COG5: variants seen among roughly 807,000 people sequenced by gnomAD.
COG5 encodes component of oligomeric golgi complex 5.
COG5 carries 86 observed loss-of-function variants against 110.4 expected under a neutral mutation model. The observed-to-expected ratio is 0.78, with a 90% confidence interval of 0.65 to 0.93. The LOEUF is 0.93. Among genes scored for constraint, COG5 ranks in the 40% least tolerant of loss-of-function variants. COG5 has a pLI of 0.00. For synonymous variants in COG5, 360 were observed against 334.6 expected (o/e 1.08, Z -0.83); for missense variants, 1,077 against 987.0 (o/e 1.09, Z -1.22).
chr7:107,463,353 A>G (rs1404752729), intron 6 of COG5, among the ~76,000 whole-genome samples: 2 of 152,212 alleles, frequency 1.3e-5, no homozygotes, highest in African/African-American at 2.4e-5. Context: ...TGAGTTCTCC[A>G]GCAGTCATGG....
chr7:107,286,671 G>C (rs1805657038), intron 12 of COG5, among the ~76,000 whole-genome samples: 1 of 152,132 alleles, frequency 6.6e-6, no homozygotes. Context: ...TACCCTAAGA[G>C]AAAACCACTG....
intron 14 of COG5, among the ~76,000 whole-genome samples, chr7:107,269,150 C>T: frequency 6.6e-6 from 1 of 151,974 alleles, no homozygotes; most frequent in East Asian, 1.9e-4. Flanking sequence ...TATTTCTATT[C>T]TTTCAGTAGT....
intron 18 of COG5, among the ~76,000 whole-genome samples, chr7:107,232,758 A>G (rs1216966869): frequency 1.3e-5 from 2 of 152,226 alleles, no homozygotes; most frequent in Non-Finnish European, 2.9e-5. Context: ...CCATGTTTTA[A>G]AGGGCAAGAG....
chr7:107,207,850 G>A, intron 21 of COG5: 1 of 985,384 alleles, frequency 1.0e-6, no homozygotes, highest in Non-Finnish European at 1.2e-6. Flanking sequence ...AGGCAGGATG[G>A]TTCACTATTT....
intron 7 of COG5, among the ~76,000 whole-genome samples, chr7:107,411,809 G>C (rs1269865056): frequency 6.6e-6 from 1 of 152,006 alleles, no homozygotes; most frequent in Non-Finnish European, 1.5e-5. Context: ...TGATTTAGAG[G>C]ATATGAAAAA....
At chr7:107,537,021 T>C (rs921127269) in intron 5 of COG5, among the ~76,000 whole-genome samples, 3 of 152,276 alleles carry the variant, frequency 2.0e-5, no homozygotes, top group Admixed American at 2.0e-4. Context: ...AAACAAGCAA[T>C]GGGGAAAGGA....
intron 6 of COG5, among the ~76,000 whole-genome samples, chr7:107,435,897 G>T (rs1183717199): frequency 6.6e-6 from 1 of 152,174 alleles, no homozygotes; most frequent in African/African-American, 2.4e-5. Flanking sequence ...CAATTCAAAT[G>T]TACATTGATG....
intron 13 of COG5, among the ~76,000 whole-genome samples, chr7:107,283,099 A>G (rs1207282998): frequency 6.6e-6 from 1 of 152,192 alleles, no homozygotes; most frequent in Non-Finnish European, 1.5e-5. Context: ...TTCCCTTTTT[A>G]GTCTTAAAAG....
rs113581836 is a variant in COG5 at position 107,446,306 on chromosome 7, A to G, written c.539-33674T>C. Among the ~76,000 whole-genome samples the G allele has an allele frequency of 6.6e-5, 10 of 152,340 alleles. 3 individuals are homozygous for G. Among genetic ancestry groups the G allele is most frequent in the African/African-American group, 2.4e-4 (10 of 41,586 alleles). ...TTTCAACTATTTCAATTTTGAATGA[A>G]TAACTGGAGTTTTAGAGAGGCTAAA... On this transcript the variant is annotated intron_variant, in intron 6 of 21. Transcript: ENST00000297135.
At chr7:107,298,418 A>G (rs1584641563) in intron 11 of COG5, 72 bp from the exon 12 acceptor site, 1 of 1,285,266 alleles carries the variant, frequency 7.8e-7, no homozygotes, top group Non-Finnish European at 1.1e-6. Context: ...GCATATGAAG[A>G]TATGTTCCAA....
chr7:107,550,368 A>G (rs1802801097), intron 3 of COG5, among the ~76,000 whole-genome samples: 1 of 152,212 alleles, frequency 6.6e-6, no homozygotes, highest in South Asian at 2.1e-4. Context: ...AACTATTCCG[A>G]GTATTAATCT....
intron 14 of COG5, 49 bp downstream of exon 14, chr7:107,281,251 T>C (rs1410790143): frequency 4.2e-6 from 5 of 1,180,108 alleles, no homozygotes; most frequent in Non-Finnish European, 5.0e-6. Flanking sequence ...ATATAGTTAG[T>C]AATTTTAAAT....
At chr7:107,326,273 T>C (rs138040048) in intron 10 of COG5, among the ~76,000 whole-genome samples, 92 of 152,206 alleles carry the variant, frequency 6.0e-4, no homozygotes, top group African/African-American at 2.1e-3. Flanking sequence ...TCTTACCACT[T>C]CTATACAATA....
intron 12 of COG5, among the ~76,000 whole-genome samples, chr7:107,287,531 T>C (rs536744496): frequency 4.5e-4 from 69 of 152,300 alleles, no homozygotes; most frequent in Non-Finnish European, 9.6e-4. Flanking sequence ...GTATACAATT[T>C]GATGAATTTT....
intron 6 of COG5, among the ~76,000 whole-genome samples, chr7:107,505,133 G>A (rs1049020279): frequency 6.6e-6 from 1 of 152,116 alleles, no homozygotes; most frequent in African/African-American, 2.4e-5. Context: ...CCTGTGATGT[G>A]CACTTTTTTA....
intron 6 of COG5, among the ~76,000 whole-genome samples, chr7:107,412,881 A>G (rs1404055831): frequency 6.6e-6 from 1 of 152,204 alleles, no homozygotes; most frequent in East Asian, 1.9e-4. Flanking sequence ...TGATTATTAC[A>G]AGTTTAAGGA....
intron 12 of COG5, among the ~76,000 whole-genome samples, chr7:107,297,032 G>A (rs1371260840): frequency 6.6e-6 from 1 of 152,150 alleles, no homozygotes; most frequent in Non-Finnish European, 1.5e-5. Flanking sequence ...TAAACTTGCT[G>A]AGATGGTATA....
At chr7:107,247,131 T>G (rs1394697305) in intron 17 of COG5, among the ~76,000 whole-genome samples, 1 of 152,112 alleles carries the variant, frequency 6.6e-6, no homozygotes. Flanking sequence ...GAAAACCAAA[T>G]ACTATGTGTT....
At chr7:107,495,237 G>A (rs1050295993) in intron 6 of COG5, among the ~76,000 whole-genome samples, 1 of 152,190 alleles carries the variant, frequency 6.6e-6, no homozygotes, top group Non-Finnish European at 1.5e-5. Context: ...AAAGGAAAAA[G>A]AGGTAAGGGC....
Sources: gnomAD v4.1 joint callset for allele counts (sites outside exome capture counted in the v4.1 genomes callset) on GRCh38, gnomAD v4.1.1 for gene constraint, MANE v1.5 for transcripts, NCBI Gene and HGNC (gene_info 2026-07-23, HGNC 2026-07-21) for gene names.